WWC2: variants seen among roughly 807,000 people sequenced by gnomAD.
WWC2 encodes protein WWC2.
In WWC2, 101 loss-of-function variants were observed where a neutral mutation model predicts 138.5. The ratio of observed to expected loss-of-function variants is 0.73; its 90% CI spans 0.62 to 0.86. WWC2 has a LOEUF of 0.86. WWC2 is among the 40% of genes least tolerant of loss of function. The pLI is 0.00. For missense variants in WWC2, 1,420 were observed against 1,419.4 expected (o/e 1.00, Z -0.01); for synonymous variants, 558 against 538.4 (o/e 1.04, Z -0.50).
At chr4:183,226,095 CTTTTT>C (rs11321151) in intron 4 of WWC2, among the ~76,000 whole-genome samples, 23 of 113,496 alleles carry the variant, frequency 2.0e-4, no homozygotes, top group African/African-American at 8.4e-4. Flanking sequence ...CTTTTCTTTT[CTTTTT>C]TTTTTTTTTT....
chr4:183,139,486 G>T (rs569733513), intron 1 of WWC2, among the ~76,000 whole-genome samples: 1 of 152,226 alleles, frequency 6.6e-6, no homozygotes, highest in South Asian at 2.1e-4. Context: ...AATGTCAACA[G>T]CATTCCACCA....
At chr4:183,176,610 A>G (rs1291431265) in intron 1 of WWC2, among the ~76,000 whole-genome samples, 3 of 151,976 alleles carry the variant, frequency 2.0e-5, no homozygotes, top group African/African-American at 4.8e-5. Context: ...TTTAGTAGAG[A>G]TGGGGTTTCA....
intron 1 of WWC2, among the ~76,000 whole-genome samples, chr4:183,175,352 C>G (rs960045126): frequency 6.6e-6 from 1 of 152,074 alleles, no homozygotes; most frequent in Non-Finnish European, 1.5e-5. Flanking sequence ...GCCTTGATCT[C>G]CTGGGCTCAG....
intron 21 of WWC2, among the ~76,000 whole-genome samples, chr4:183,293,462 T>TA (rs1738528185): frequency 6.6e-6 from 1 of 152,220 alleles, no homozygotes; most frequent in Non-Finnish European, 1.5e-5. Flanking sequence ...CCCAGTAAGT[T>TA]AGAGACAGGA....
At chr4:183,115,427 A>C (rs1732378821) in intron 1 of WWC2, among the ~76,000 whole-genome samples, 1 of 152,144 alleles carries the variant, frequency 6.6e-6, no homozygotes, top group African/African-American at 2.4e-5. Flanking sequence ...GTTCTGTTTT[A>C]AGTTCTTTGA....
intron 1 of WWC2, among the ~76,000 whole-genome samples, chr4:183,116,050 T>C (rs968030218): frequency 6.6e-6 from 1 of 152,214 alleles, no homozygotes; most frequent in Non-Finnish European, 1.5e-5. Context: ...TTCAGTCTTC[T>C]GCATATGACT....
In WWC2 at chr4:183,248,892, T is replaced by A. The variant is rs192847290; in HGVS notation, c.879+32T>A. 3 of 1,519,976 alleles carry A rather than the reference T, an allele frequency of 2.0e-6. No homozygotes were observed. The Admixed American group carries it at 5.6e-5, about 29-fold the overall frequency. 94.2% of individuals were successfully genotyped at this position (1,519,976 alleles called of 1,614,324 possible). A position where few individuals can be genotyped will look rare whatever the true frequency, so the allele number is the denominator to read the frequency against. The stretch of plus-strand genomic sequence containing the variant: ...TATCTGTGCTGAAGAGTTGGCCCAG[T>A]GTTGTCCTTGATGGGCCTTAATTGC... On this transcript the variant is annotated intron_variant, in intron 7 of 22. Transcript: ENST00000403733.
At chr4:183,195,784 C>G (rs1203223350) in intron 2 of WWC2, among the ~76,000 whole-genome samples, 2 of 152,200 alleles carry the variant, frequency 1.3e-5, no homozygotes, top group Non-Finnish European at 2.9e-5. Flanking sequence ...AAGCTGTAGT[C>G]TGCAAGAACT....
At chr4:183,171,389 G>A (rs185046673) in intron 1 of WWC2, among the ~76,000 whole-genome samples, 1 of 152,190 alleles carries the variant, frequency 6.6e-6, no homozygotes, top group Admixed American at 6.5e-5. Flanking sequence ...ATTCACTAGA[G>A]TTTAGTTATA....
At chr4:183,230,373 A>G (rs1437320276) in intron 4 of WWC2, among the ~76,000 whole-genome samples, 1 of 150,906 alleles carries the variant, frequency 6.6e-6, no homozygotes, top group Non-Finnish European at 1.5e-5. Flanking sequence ...GAAGATAAAT[A>G]AAATTAAAAG....
intron 4 of WWC2, among the ~76,000 whole-genome samples, chr4:183,215,455 A>G (rs1219539043): frequency 6.6e-6 from 1 of 152,198 alleles, no homozygotes; most frequent in Non-Finnish European, 1.5e-5. Context: ...CAAGAAAAAA[A>G]AAAGCAAGAC....
chr4:183,215,426 ATGACT>A (rs769693186), intron 4 of WWC2, among the ~76,000 whole-genome samples: 4 of 152,056 alleles, frequency 2.6e-5, no homozygotes, highest in Non-Finnish European at 4.4e-5. Context: ...TAGGAATGAG[ATGACT>A]TGACTTACAT....
chr4:183,115,549 A>C (rs1732382787), intron 1 of WWC2, among the ~76,000 whole-genome samples: 1 of 152,152 alleles, frequency 6.6e-6, no homozygotes, highest in African/African-American at 2.4e-5. Flanking sequence ...ACTTTTATCT[A>C]ATAGCCATTT....
chr4:183,204,679 A>G (rs1192812567), intron 2 of WWC2, among the ~76,000 whole-genome samples: 1 of 152,232 alleles, frequency 6.6e-6, no homozygotes, highest in Non-Finnish European at 1.5e-5. Flanking sequence ...ATGAGTTTTG[A>G]CAGGTGTATA....
chr4:183,259,153 T>G (rs1390711049), intron 9 of WWC2, among the ~76,000 whole-genome samples: 1 of 152,160 alleles, frequency 6.6e-6, no homozygotes, highest in African/African-American at 2.4e-5. Context: ...TTGCTAATTC[T>G]TATCAAATCA....
intron 1 of WWC2, among the ~76,000 whole-genome samples, chr4:183,190,418 A>G (rs1298477573): frequency 6.6e-6 from 1 of 151,992 alleles, no homozygotes; most frequent in African/African-American, 2.4e-5. Context: ...TCATAGTAAT[A>G]TTTTCTTTTT....
At chr4:183,245,384 G>T in intron 5 of WWC2, 32 bp from the exon 6 acceptor site, 1 of 1,475,454 alleles carries the variant, frequency 6.8e-7, no homozygotes, top group South Asian at 1.4e-5. Flanking sequence ...ATCATTCTTT[G>T]ATATTTTTTC....
intron 1 of WWC2, among the ~76,000 whole-genome samples, chr4:183,153,020 G>C (rs533039827): frequency 1.3e-5 from 2 of 152,018 alleles, no homozygotes; most frequent in African/African-American, 2.4e-5. Context: ...CTCAGCCTCC[G>C]CAGTAGCTGG....
In WWC2 at chr4:183,315,981, A is replaced by G; in HGVS notation, c.*252A>G. 2.6e-6 allele frequency: 1 copy of G among 386,004 alleles called. No individual in the cohort carries two copies. The highest frequency in any genetic ancestry group is 2.7e-5 in the South Asian group (1 of 36,690). 23.9% of individuals were successfully genotyped at this position (386,004 alleles called of 1,614,324 possible). A position where few individuals can be genotyped will look rare whatever the true frequency, so the allele number is the denominator to read the frequency against. On this transcript the variant is annotated 3_prime_UTR_variant, in exon 23 of 23. Coordinates refer to ENST00000403733, the MANE Select transcript of WWC2 (RefSeq NM_024949.6). ...ATAACCTGGTACACAAATGTTGCCC[A>G]GTATGTGCGCATTGCCAGTGGACTT...
Sources: allele counts gnomAD v4.1 joint callset (sites outside exome capture counted in the v4.1 genomes callset), GRCh38; gene constraint gnomAD v4.1.1; transcripts MANE v1.5; gene names NCBI Gene and HGNC (gene_info 2026-07-23, HGNC 2026-07-21).